Variants in SDC3 observed in about 807,000 individuals in gnomAD.
SDC3 encodes syndecan 3, also known as syndecan-3.
Under a neutral mutation model 24.4 loss-of-function variants are expected in SDC3, and 13 were observed. The ratio of observed to expected loss-of-function variants is 0.53; its 90% CI spans 0.35 to 0.85. The LOEUF (loss-of-function observed/expected upper bound fraction) is 0.85, where lower values mean the gene tolerates loss of function less well. SDC3 is among the 40% of genes least tolerant of loss of function. The probability of loss-of-function intolerance (pLI) is 0.01; values close to 1 mark genes in which losing one functional copy is unlikely to be tolerated. For missense variants in SDC3, 571 were observed against 584.5 expected (o/e 0.98, Z 0.24); for synonymous variants, 295 against 260.9 (o/e 1.13, Z -1.26).
At chr1:30,876,362 C>T (rs1386601834) in intron 3 of SDC3, among the ~76,000 whole-genome samples, 190 bp downstream of exon 3, 1 of 152,200 alleles carries the variant, frequency 6.6e-6, no homozygotes, top group African/African-American at 2.4e-5. Flanking sequence ...CCAACCACCC[C>T]AGCCCTCGTT....
rs373575196 is a variant in SDC3, at chr1:30,876,801, G to A, written c.621C>T (p.Gly207=). 4.2e-5 allele frequency: 67 copies of A among 1,602,982 alleles called. No homozygotes were observed. The highest frequency in any genetic ancestry group is 1.7e-4 in the South Asian group (15 of 90,216). ...TATTAVIRTT[G]VRRLLPLPLT... is the part of the protein sequence containing the mutation. ...GTGGGAGAGGCAGAAGCCTCCGTAC[G>A]CCAGTGGTCCTTATAACAGCAGTGG... is the stretch of plus-strand genomic sequence containing the variant. The change falls in exon 3 of 5, where the codon GGC becomes GGT. Residue 207 remains glycine, a synonymous_variant. Transcript: ENST00000339394.
At chr1:30,906,905 C>T (rs1390240339) in intron 1 of SDC3, among the ~76,000 whole-genome samples, 2 of 152,208 alleles carry the variant, frequency 1.3e-5, no homozygotes, top group East Asian at 3.8e-4. Context: ...TCTCACCCCA[C>T]TTAGGGGAGA....
At chr1:30,894,454 G>A (rs190769724) in intron 1 of SDC3, among the ~76,000 whole-genome samples, 512 of 41,668 alleles carry the variant, frequency 0.012, 12 homozygotes, top group African/African-American at 0.036. Context: ...GATGAGTGTG[G>A]GGGGGTGGAT....
rs373867231 is a variant in SDC3 at position 30,878,733 on chromosome 1, C to T, written c.146G>A (p.Arg49His). The change falls in exon 2 of 5, where the codon CGC (arginine) becomes CAC (histidine). Residue 49 changes from arginine to histidine, a missense_variant. Transcript: ENST00000339394. The stretch of plus-strand genomic sequence containing the variant: ...TCTCTCGAAGTTCTCACTGCGCCAG[C>T]GCTGGGCCTAGGGAAGGTAGAGGTG... Reference protein sequence around the residue: ...LLAGRAAGAQRWRSENFERPV... With the variant: ...LLAGRAAGAQHWRSENFERPV... 9.5e-5 allele frequency: 153 copies of T among 1,613,984 alleles called. No homozygotes were observed. The highest frequency in any genetic ancestry group is 1.2e-4 in the Non-Finnish European group (139 of 1,179,936).
At chr1:30,898,509 A>G (rs1003014243) in intron 1 of SDC3, among the ~76,000 whole-genome samples, 6 of 152,162 alleles carry the variant, frequency 3.9e-5, no homozygotes, top group African/African-American at 1.4e-4. Flanking sequence ...GGATCCAGGT[A>G]CTGGACTCCC....
chr1:30,874,447 C>T lies in SDC3; in HGVS notation c.1012G>A (p.Gly338Arg). 1 of 1,614,208 alleles carries T rather than the reference C, an allele frequency of 6.2e-7. No individual in the cohort carries two copies. Among genetic ancestry groups the T allele is most frequent in the Non-Finnish European group, 8.5e-7 (1 of 1,180,030 alleles). The change falls in exon 4 of 5, where the codon GGG (glycine) becomes AGG (arginine). Residue 338 changes from glycine to arginine, a missense_variant. This residue lies in a region of SDC3 where 497 missense variants were observed against 471.6 expected (regional missense o/e 1.05). Coordinates refer to ENST00000339394, the MANE Select transcript of SDC3 (RefSeq NM_014654.4). The part of the protein sequence containing the change: ...DTANEVVAVG[G>R]AAAKASSPPG... ...GGAGATGATGCCTTGGCCGCAGCCC[C>T]TCCCACAGCTACCACCTCATTGGCT...
At chr1:30,894,350 A>C (rs1241825557) in intron 1 of SDC3, among the ~76,000 whole-genome samples, 1 of 26,830 alleles carries the variant, frequency 3.7e-5, no homozygotes, top group African/African-American at 1.5e-4. Context: ...GGGTGTGTGG[A>C]TGAGTGTGTG....
intron 1 of SDC3, among the ~76,000 whole-genome samples, chr1:30,895,534 G>A (rs988032467): frequency 2.0e-5 from 3 of 152,126 alleles, no homozygotes; most frequent in African/African-American, 7.2e-5. Flanking sequence ...CTTCATCTCT[G>A]GGTTCAGTCT....
chr1:30,903,054 A>T (rs1284760734), intron 1 of SDC3, among the ~76,000 whole-genome samples: 2 of 152,338 alleles, frequency 1.3e-5, no homozygotes, highest in East Asian at 3.9e-4. Flanking sequence ...AGGAAGCTCA[A>T]AGTCTATCAA....
intron 2 of SDC3, chr1:30,877,464 A>G: frequency 1.7e-6 from 1 of 578,228 alleles, no homozygotes; most frequent in Non-Finnish European, 3.1e-6. Context: ...GAATCCAGGC[A>G]GCAGCAACTG....
rs550670269 is a variant in SDC3, at chr1:30,897,762, A to G, written c.138+10687T>C. Among the ~76,000 whole-genome samples the G allele has an allele frequency of 3.9e-5, 6 of 152,298 alleles. No homozygotes were observed. The East Asian group carries it at 1.2e-3, about 29-fold the overall frequency. On this transcript the variant is annotated intron_variant, in intron 1 of 4. Coordinates refer to ENST00000339394, the MANE Select transcript of SDC3 (RefSeq NM_014654.4). ...CTCACTAGCTCTGTGACCTTGCACA[A>G]ATTATTTAACCTCTCTGTACCTTGA...
chr1:30,889,849 G>T (rs1639880693), intron 1 of SDC3, among the ~76,000 whole-genome samples: 1 of 151,928 alleles, frequency 6.6e-6, no homozygotes, highest in Non-Finnish European at 1.5e-5. Flanking sequence ...TACTCCTAGG[G>T]TATATATTCA....
chr1:30,903,643 T>C (rs987410324), intron 1 of SDC3, among the ~76,000 whole-genome samples: 8 of 151,832 alleles, frequency 5.3e-5, no homozygotes, highest in African/African-American at 1.7e-4. Context: ...TGTGGGAGAA[T>C]TAAGTGAGAA....
At chr1:30,885,716 C>T (rs1639817791) in intron 1 of SDC3, among the ~76,000 whole-genome samples, 1 of 152,248 alleles carries the variant, frequency 6.6e-6, no homozygotes, top group Non-Finnish European at 1.5e-5. Flanking sequence ...GCTCCCTCCC[C>T]TGGCATCAGC....
In SDC3 at chr1:30,907,786, C is replaced by G. The variant is rs548520733; in HGVS notation, c.138+663G>C. ...GCCCACACACAGGGTTACCCTCACTCCCCCCTCAGGTCACCTTCACCAAGT... is the reference window on the plus strand; with the variant it reads ...GCCCACACACAGGGTTACCCTCACTGCCCCCTCAGGTCACCTTCACCAAGT... On this transcript the variant is annotated intron_variant, in intron 1 of 4. Coordinates refer to ENST00000339394, the MANE Select transcript of SDC3 (RefSeq NM_014654.4). Among the ~76,000 whole-genome samples the G allele has an allele frequency of 2.3e-3, 357 of 152,266 alleles. 2 individuals carry two copies. The highest frequency in any genetic ancestry group is 8.3e-3 in the African/African-American group (343 of 41,546).
At chr1:30,908,938 G>A (rs1204488087), upstream of SDC3, among the ~76,000 whole-genome samples, 2 of 150,828 alleles carry the variant, frequency 1.3e-5, no homozygotes, top group African/African-American at 2.4e-5. Context: ...CCGCGCTGCC[G>A]AGTGGGCACC....
intron 1 of SDC3, among the ~76,000 whole-genome samples, chr1:30,892,729 G>A (rs1007609335): frequency 1.3e-5 from 2 of 152,166 alleles, no homozygotes; most frequent in Non-Finnish European, 2.9e-5. Flanking sequence ...GCTGGACTCT[G>A]CGCCAAGTAA....
intron 1 of SDC3, among the ~76,000 whole-genome samples, chr1:30,888,557 C>A (rs1315916668): frequency 2.0e-5 from 3 of 152,160 alleles, no homozygotes; most frequent in Admixed American, 1.3e-4. Flanking sequence ...TGAGCATACA[C>A]CCTGGGCACA....
chr1:30,877,732 A>T, intron 2 of SDC3: 11 of 155,222 alleles, frequency 7.1e-5, no homozygotes, highest in East Asian at 1.9e-4. Flanking sequence ...GGAGTAGGGG[A>T]TGGGGGAGGG....
Sources: allele counts gnomAD v4.1 joint callset (sites outside exome capture counted in the v4.1 genomes callset), GRCh38; gene constraint gnomAD v4.1.1; regional missense constraint gnomAD v4.1.1; transcripts MANE v1.5; gene names NCBI Gene and HGNC (gene_info 2026-07-23, HGNC 2026-07-21).